Variants in GTF3C4 observed in about 807,000 individuals in gnomAD.
GTF3C4 encodes the protein general transcription factor IIIC subunit 4.
A neutral mutation model predicts 67.5 loss-of-function variants in GTF3C4; 28 were observed. That is an observed-to-expected ratio of 0.41 (90% CI 0.31 to 0.57). The LOEUF is 0.57. GTF3C4 is among the 20% of genes least tolerant of loss of function. The pLI, the probability that GTF3C4 is intolerant of heterozygous loss-of-function variation, is 0.21. For missense variants in GTF3C4, 831 were observed against 1,033.2 expected, an observed-to-expected ratio of 0.80 and a Z score of 2.68; for synonymous variants, 409 against 393.0, an observed-to-expected ratio of 1.04 and a Z score of -0.48.
At chr9:132,686,224 G>A (rs966799439) in intron 3 of GTF3C4, among the ~76,000 whole-genome samples, 4 of 152,256 alleles carry the variant, frequency 2.6e-5, no homozygotes, top group African/African-American at 9.6e-5. Flanking sequence ...GAAGCCACAT[G>A]TGTAAGCATT....
rs777448372 is a variant in GTF3C4, at chr9:132,678,190, C to G, written c.571C>G (p.Leu191Val). The change falls in exon 2 of 5, where the codon CTG becomes GTG. Residue 191 changes from leucine (L) to valine (V), a missense_variant. Physicochemically the swap from Leu to Val is conservative, Grantham distance 32. Transcript: ENST00000372146. The surrounding 1 kb of genome is among the most constrained non-coding windows in gnomAD (Gnocchi z 6.5). ...GGCAGCACTGACCATGGACAATCGC[C>G]TGACCATCCAGGCAAATCTCAACAG... ...LLAALTMDNR[L>V]TIQANLNRLQ... 1.9e-6 allele frequency: 3 copies of G among 1,614,240 alleles called. No homozygotes were observed. Among genetic ancestry groups the G allele is most frequent in the Non-Finnish European group, 2.5e-6 (3 of 1,180,034 alleles).
rs1275007373 is a variant in GTF3C4, at chr9:132,693,989, G to A, written c.*5044G>A. ...GTGCTTGGCTTTGAATTATATATGT[G>A]TTTACCTATGACTTTTTTTTGAAAT... On this transcript the variant is annotated 3_prime_UTR_variant, in exon 5 of 5. Transcript: ENST00000372146. 3 of 151,876 alleles carry A rather than the reference G, an allele frequency of 2.0e-5. No homozygotes were observed. The highest frequency in any genetic ancestry group is 7.3e-5 in the African/African-American group (3 of 41,342). The allele number at this position is 151,876 out of a possible 1,614,324, so 9.4% of individuals were successfully genotyped here. A position where few individuals can be genotyped will look rare whatever the true frequency, so the allele number is the denominator to read the frequency against.
rs767358606 is a variant in GTF3C4 at position 132,687,278 on chromosome 9, T to C, written c.2355T>C (p.Tyr785=). Residue 785 remains tyrosine, a synonymous_variant, in exon 4 of 5, where the codon TAT becomes TAC. Transcript: ENST00000372146. ...LTYQSCQSLI[Y]RRCLLHDSIA... The stretch of plus-strand genomic sequence containing the variant: ...ACCAGTCCTGCCAGAGTTTGATATA[T>C]AGAAGGTGTTTGCTCCATGACAGCA... 5.7e-6 allele frequency: 9 copies of C among 1,590,642 alleles called. No individual in the cohort carries two copies.
rs1422174670 is a variant in GTF3C4 at position 132,678,488 on chromosome 9, T to G, written c.869T>G (p.Phe290Cys). The change falls in exon 2 of 5, where the codon TTT (phenylalanine) becomes TGT (cysteine). Residue 290 changes from phenylalanine to cysteine, a missense_variant. Physicochemically the swap from Phe to Cys is radical, Grantham distance 205. Transcript: ENST00000372146. This position sits in a 1 kb window ranked among gnomAD's most constrained non-coding sequence, Gnocchi z 6.5. ...FENGNIAVWQ[F>C]QLPFVGKESI... ...AACGGTAATATCGCCGTGTGGCAGT[T>G]TCAGCTGCCGTTTGTAGGAAAAGAA... 1 of 1,614,208 alleles carries G rather than the reference T, an allele frequency of 6.2e-7. No homozygotes were observed. The highest frequency in any genetic ancestry group is 8.5e-7 in the Non-Finnish European group (1 of 1,180,028).
chr9:132,681,222 G>C (rs898336284), intron 2 of GTF3C4, among the ~76,000 whole-genome samples: 2 of 152,168 alleles, frequency 1.3e-5, no homozygotes, highest in African/African-American at 4.8e-5. Context: ...TGAAAAATTA[G>C]CAAAAACATG....
intron 1 of GTF3C4, among the ~76,000 whole-genome samples, chr9:132,671,657 C>T (rs1475140883): frequency 6.6e-6 from 1 of 152,096 alleles, no homozygotes; most frequent in Non-Finnish European, 1.5e-5. Context: ...CTTTTAGTTG[C>T]TTAGAGGTGT....
At chr9:132,683,910 TAGG>T in intron 3 of GTF3C4, among the ~76,000 whole-genome samples, 1 of 152,334 alleles carries the variant, frequency 6.6e-6, no homozygotes, top group East Asian at 1.9e-4. Context: ...GCTTAATATA[TAGG>T]AGTTTTCTTG....
chr9:132,691,689 G>C lies in GTF3C4; in HGVS notation c.*2744G>C, dbSNP rs1265587538. 6.6e-6 allele frequency: 1 copy of C among 152,080 alleles called. No homozygotes were observed. The highest frequency in any genetic ancestry group is 2.4e-5 in the African/African-American group (1 of 41,390). 9.4% of individuals were successfully genotyped at this position (152,080 alleles called of 1,614,324 possible). On this transcript the variant is annotated 3_prime_UTR_variant, in exon 5 of 5. Transcript: ENST00000372146. Reference sequence around the variant, plus strand: ...TTCTGAAATCCCTGTGTGTCCACCAGGCAGACTTCAAGCAATCTCTACCTA... The same window carrying C: ...TTCTGAAATCCCTGTGTGTCCACCACGCAGACTTCAAGCAATCTCTACCTA...
chr9:132,672,349 G>A (rs1453888406), intron 1 of GTF3C4, among the ~76,000 whole-genome samples: 1 of 152,198 alleles, frequency 6.6e-6, no homozygotes, highest in African/African-American at 2.4e-5. Context: ...GGAGTAGTAA[G>A]GGGAGAGACT....
In GTF3C4 at chr9:132,678,708, G is replaced by T. The variant is rs1790488763; in HGVS notation, c.1089G>T (p.Trp363Cys). Residue 363 changes from tryptophan (W) to cysteine (C), a missense_variant, in exon 2 of 5, where the codon TGG becomes TGT. This residue lies in a region of GTF3C4 where 390 missense variants were observed against 540.3 expected (regional missense o/e 0.72). Coordinates refer to ENST00000372146, the MANE Select transcript of GTF3C4 (RefSeq NM_012204.4). This position sits in a 1 kb window ranked among gnomAD's most constrained non-coding sequence, Gnocchi z 6.5. ...CTTTAAGGCAGCCTGTTATCTTGTG[G>T]AAAGAAATGGACCAGTTACCTGTGC... ...YFTLRQPVIL[W>C]KEMDQLPVHS... is the part of the protein sequence containing the mutation. 6.2e-7 allele frequency: 1 copy of T among 1,614,070 alleles called. No individual in the cohort carries two copies. The highest frequency in any genetic ancestry group is 1.3e-5 in the African/African-American group (1 of 74,920).
intron 3 of GTF3C4, among the ~76,000 whole-genome samples, chr9:132,684,396 T>G (rs1324026949): frequency 6.6e-6 from 1 of 152,204 alleles, no homozygotes; most frequent in East Asian, 1.9e-4. Context: ...CTTGCCCAGC[T>G]TATTACACCT....
rs756908231 is a variant in GTF3C4 at position 132,670,756 on chromosome 9, G to A, written c.158G>A (p.Arg53Gln). The change falls in exon 1 of 5, where the codon CGG (arginine) becomes CAG (glutamine). Residue 53 changes from arginine to glutamine, a missense_variant. Transcript: ENST00000372146. The stretch of plus-strand genomic sequence containing the variant: ...GCTGCATTCCGCCTCATGGTGACTC[G>A]GCGGGAGCCGGCCGTGAAGCTGCAG... ...PSAAFRLMVT[R>Q]REPAVKLQYA... 6.4e-7 allele frequency: 1 copy of A among 1,559,498 alleles called. No homozygotes were observed. The highest frequency in any genetic ancestry group is 1.8e-5 in the Admixed American group (1 of 54,142).
At chr9:132,684,686 G>A (rs958160006) in intron 3 of GTF3C4, among the ~76,000 whole-genome samples, 4 of 152,062 alleles carry the variant, frequency 2.6e-5, no homozygotes, top group Admixed American at 6.6e-5. Flanking sequence ...CTCCACCTCA[G>A]GACGTCTACA....
Position 132,692,760 on chromosome 9 carries a change from C to A in GTF3C4, c.*3815C>A, listed in dbSNP as rs1836138252. ...CCTTCAAGGTTGGGTCATCAAAAATCCCTCTAAAGGATCTAACTGTAATGA... is the reference window on the plus strand; with the variant it reads ...CCTTCAAGGTTGGGTCATCAAAAATACCTCTAAAGGATCTAACTGTAATGA... On this transcript the variant is annotated 3_prime_UTR_variant, in exon 5 of 5. Transcript: ENST00000372146. 1 of 152,184 alleles carries A rather than the reference C, an allele frequency of 6.6e-6. No homozygotes were observed. Among genetic ancestry groups the A allele is most frequent in the East Asian group, 1.9e-4 (1 of 5,202 alleles). The allele number at this position is 152,184 out of a possible 1,614,324, so 9.4% of individuals were successfully genotyped here.
In GTF3C4 at chr9:132,693,187, T is replaced by C. The variant is rs1836144747; in HGVS notation, c.*4242T>C. 1.3e-5 allele frequency: 2 copies of C among 152,236 alleles called. No individual in the cohort carries two copies. 9.4% of individuals were successfully genotyped at this position (152,236 alleles called of 1,614,324 possible). Reference sequence around the variant, plus strand: ...GATAGGATGTAGCCTGCCATCTGCATAGATGGTTTAACATGGTGCTGTTTT... The same window carrying C: ...GATAGGATGTAGCCTGCCATCTGCACAGATGGTTTAACATGGTGCTGTTTT... On this transcript the variant is annotated 3_prime_UTR_variant, in exon 5 of 5. Transcript: ENST00000372146.
intron 1 of GTF3C4, among the ~76,000 whole-genome samples, chr9:132,676,059 C>T (rs1454961455): frequency 3.3e-5 from 5 of 151,194 alleles, no homozygotes; most frequent in Admixed American, 6.6e-5. Context: ...CCACCATGCC[C>T]GGCTAATTTT....
At chr9:132,684,477 T>C (rs1043491113) in intron 3 of GTF3C4, among the ~76,000 whole-genome samples, 1 of 152,206 alleles carries the variant, frequency 6.6e-6, no homozygotes, top group Non-Finnish European at 1.5e-5. Flanking sequence ...GTTGTGATAG[T>C]GATTGTATCA....
At chr9:132,684,982 T>C (rs976363596) in intron 3 of GTF3C4, among the ~76,000 whole-genome samples, 8 of 152,056 alleles carry the variant, frequency 5.3e-5, no homozygotes, top group African/African-American at 1.9e-4. Context: ...TCTAGAACAA[T>C]GCCTAGTACA....
intron 2 of GTF3C4, among the ~76,000 whole-genome samples, chr9:132,682,261 GAAAA>G (rs1263654636): frequency 2.0e-5 from 3 of 152,114 alleles, no homozygotes; most frequent in Middle Eastern, 3.4e-3. Flanking sequence ...AGACTGAAAA[GAAAA>G]AAGGCCAAAA....
Sources: gnomAD v4.1 joint callset for allele counts (sites outside exome capture counted in the v4.1 genomes callset) on GRCh38, gnomAD v4.1.1 for gene constraint, gnomAD v4.1.1 regional missense constraint, Gnocchi (gnomAD v3.1) non-coding constraint, MANE v1.5 for transcripts, NCBI Gene and HGNC (gene_info 2026-07-23, HGNC 2026-07-21) for gene names.